Variants in CCDC83 observed in about 807,000 individuals in gnomAD.
CCDC83 encodes coiled-coil domain-containing protein 83.
A neutral mutation model predicts 50.1 loss-of-function variants in CCDC83; 54 were observed. The observed-to-expected ratio is 1.08, with a 90% CI of 0.87 to 1.35. The LOEUF (loss-of-function observed/expected upper bound fraction) is 1.35. Among genes scored for constraint, CCDC83 ranks in the 40% most tolerant of loss-of-function variants. The pLI, the probability that CCDC83 is intolerant of heterozygous loss-of-function variation, is 0.00. For missense variants in CCDC83, 518 were observed against 473.9 expected, an observed-to-expected ratio of 1.09 and a Z score of -0.86; for synonymous variants, 161 against 153.3, an observed-to-expected ratio of 1.05 and a Z score of -0.37.
chr11:85,864,915 G>C (rs1288655959), intron 1 of CCDC83, among the ~76,000 whole-genome samples, 181 bp from the exon 2 acceptor site: 1 of 152,140 alleles, frequency 6.6e-6, no homozygotes, highest in South Asian at 2.1e-4. Flanking sequence ...GAATTCACCA[G>C]AATCAAGAAT....
chr11:85,859,562 C>T (rs1227859516), intron 1 of CCDC83, among the ~76,000 whole-genome samples: 1 of 152,192 alleles, frequency 6.6e-6, no homozygotes, highest in Non-Finnish European at 1.5e-5. Flanking sequence ...TGATAACAAA[C>T]AATGGGGAAA....
In CCDC83 at chr11:85,865,074, C is replaced by T. The variant is rs762309041; in HGVS notation, c.-28-22C>T. On this transcript the variant is annotated intron_variant, in intron 1 of 10. Transcript: ENST00000342404. ...AGGCAAAGATGGAATTTTTCACTTT[C>T]GTATGTCTCCTTTCTAAACAGGTAT... 13 of 1,252,408 alleles carry T rather than the reference C, an allele frequency of 1.0e-5. No homozygotes were observed. In the East Asian group the frequency reaches 1.6e-4, roughly 16 times the overall value. 77.6% of individuals were successfully genotyped at this position (1,252,408 alleles called of 1,614,324 possible).
intron 3 of CCDC83, among the ~76,000 whole-genome samples, chr11:85,875,736 ACT>A (rs1397455750): frequency 5.3e-5 from 8 of 151,978 alleles, no homozygotes; most frequent in Non-Finnish European, 1.2e-4. Context: ...ATTTAACATG[ACT>A]CATGTTTTCT....
chr11:85,866,285 C>T (rs1283788333), intron 2 of CCDC83, among the ~76,000 whole-genome samples: 5 of 152,162 alleles, frequency 3.3e-5, no homozygotes, highest in Admixed American at 3.3e-4. Flanking sequence ...GGGTGTTTAC[C>T]AAGTGCAAGT....
chr11:85,883,563 G>T (rs931172906), intron 4 of CCDC83, among the ~76,000 whole-genome samples: 3 of 151,826 alleles, frequency 2.0e-5, no homozygotes, highest in Non-Finnish European at 4.4e-5. Flanking sequence ...TGGTACTGAG[G>T]GTAAATCATG....
intron 1 of CCDC83, among the ~76,000 whole-genome samples, chr11:85,863,181 A>G (rs564465797): frequency 6.6e-6 from 1 of 152,370 alleles, no homozygotes; most frequent in East Asian, 1.9e-4. Flanking sequence ...AATATTTTAT[A>G]GTAAAAATTA....
intron 6 of CCDC83, among the ~76,000 whole-genome samples, chr11:85,896,357 C>T (rs77625551): frequency 0.063 from 8,744 of 139,868 alleles, 325 homozygotes; most frequent in Admixed American, 0.082. Context: ...GCCGTATTTG[C>T]GCCACTGCAC....
intron 4 of CCDC83, among the ~76,000 whole-genome samples, chr11:85,884,233 A>T (rs1365143682): frequency 1.3e-5 from 2 of 152,218 alleles, no homozygotes; most frequent in Non-Finnish European, 2.9e-5. Context: ...GCTCACAGAC[A>T]TGGAGGAAGA....
intron 3 of CCDC83, among the ~76,000 whole-genome samples, chr11:85,881,557 A>G (rs1220540517): frequency 1.3e-5 from 2 of 152,056 alleles, no homozygotes; most frequent in South Asian, 4.1e-4. Flanking sequence ...TGAATAGCTG[A>G]GACTACAAGC....
At chr11:85,917,100 GACT>G (rs1330195549) in intron 10 of CCDC83, among the ~76,000 whole-genome samples, 1 of 146,674 alleles carries the variant, frequency 6.8e-6, no homozygotes, top group African/African-American at 2.6e-5. Flanking sequence ...GACAGAGCGA[GACT>G]CTGAAAAGAA....
chr11:85,910,204 C>A (rs1056522785), intron 7 of CCDC83, among the ~76,000 whole-genome samples: 1 of 152,196 alleles, frequency 6.6e-6, no homozygotes, highest in African/African-American at 2.4e-5. Context: ...CTCTCTCCTC[C>A]GATGGCACCA....
chr11:85,917,166 G>GAGAGAAAGAAAGAAAGAA lies in CCDC83; in HGVS notation c.1080+936_1080+937insGAAAGAAAGAAAGAAAGA, dbSNP rs756949334. On this transcript the variant is annotated intron_variant, in intron 10 of 10. Transcript: ENST00000342404. ...AGAGAGAGAGAGAGAGAGAGAGAGA[G>GAGAGAAAGAAAGAAAGAA]AGAAAGAAAGAAAGAAAGAAAGAAA... Among the ~76,000 whole-genome samples the GAGAGAAAGAAAGAAAGAA allele has an allele frequency of 8.0e-5, 5 of 62,460 alleles. No individual in the cohort carries two copies. The East Asian group carries it at 1.4e-3, about 18-fold the overall frequency. The allele number at this position is 62,460 out of a possible 152,430, so 41.0% of individuals were successfully genotyped here.
At chr11:85,899,717 T>C (rs191690090) in intron 7 of CCDC83, among the ~76,000 whole-genome samples, 73 of 152,352 alleles carry the variant, frequency 4.8e-4, no homozygotes, top group Admixed American at 4.6e-3. Context: ...TCTTTTCAAC[T>C]ATATTTCCAT....
At chr11:85,911,241 T>C (rs2093452383) in intron 7 of CCDC83, 40 bp from the exon 8 acceptor site, 1 of 1,420,176 alleles carries the variant, frequency 7.0e-7, no homozygotes, top group Non-Finnish European at 9.4e-7. Context: ...TAGAACTGAA[T>C]CAATAAGTAC....
At chr11:85,888,659 T>G (rs2093338145) in intron 5 of CCDC83, among the ~76,000 whole-genome samples, 1 of 152,222 alleles carries the variant, frequency 6.6e-6, no homozygotes, top group Non-Finnish European at 1.5e-5. Context: ...TATGAGATTA[T>G]GAATGAATTC....
chr11:85,868,038 C>T (rs951262189), intron 2 of CCDC83, among the ~76,000 whole-genome samples: 3 of 152,166 alleles, frequency 2.0e-5, no homozygotes, highest in Non-Finnish European at 4.4e-5. Context: ...CCTGGCGCCT[C>T]TTATATCTCT....
At chr11:85,906,085 A>G (rs2093424707) in intron 7 of CCDC83, among the ~76,000 whole-genome samples, 1 of 145,666 alleles carries the variant, frequency 6.9e-6, no homozygotes, top group Non-Finnish European at 1.5e-5. Flanking sequence ...TTTTTTTTTG[A>G]GACGGAGCCT....
chr11:85,856,396 C>T (rs1347898081), intron 1 of CCDC83, among the ~76,000 whole-genome samples: 1 of 152,012 alleles, frequency 6.6e-6, no homozygotes, highest in East Asian at 1.9e-4. Flanking sequence ...TTCCCTTATC[C>T]TCATAATAAT....
chr11:85,891,738 T>G (rs946420597), intron 5 of CCDC83, among the ~76,000 whole-genome samples: 1 of 152,208 alleles, frequency 6.6e-6, no homozygotes, highest in Non-Finnish European at 1.5e-5. Flanking sequence ...TTCCAGCATT[T>G]GCTTTTCCAT....
Sources: allele counts gnomAD v4.1 joint callset (sites outside exome capture counted in the v4.1 genomes callset), GRCh38; gene constraint gnomAD v4.1.1; transcripts MANE v1.5; gene names NCBI Gene and HGNC (gene_info 2026-07-23, HGNC 2026-07-21).